The following COPS3 variants were observed in gnomAD, a reference collection of about 807,000 sequenced individuals.
COPS3 encodes COP9 signalosome subunit 3.
COPS3 carries 10 observed loss-of-function variants against 58.2 expected under a neutral mutation model. That is an observed-to-expected ratio of 0.17 (90% CI 0.11 to 0.29). COPS3 has a LOEUF of 0.29. COPS3 is among the 10% of genes least tolerant of loss of function. The pLI is 1.00. For missense variants in COPS3, 333 were observed against 510.1 expected (o/e 0.65, Z 3.34); for synonymous variants, 187 against 181.7 (o/e 1.03, Z -0.24).
At position 17,270,952 on chromosome 17, in the gene COPS3, A is replaced by C; in HGVS notation, c.242T>G (p.Val81Gly). The change falls in exon 3 of 12, where the codon GTT becomes GGT. Residue 81 changes from valine to glycine, a missense_variant. Transcript: ENST00000268717. ...VPDFETLFSQ[V>G]QLFISTCNGE... ...ATTACAAGTGCTGATGAAGAGCTGA[A>C]CCTGTGAGAATAGCGTTTCGAAGTC... 6.2e-7 allele frequency: 1 copy of C among 1,614,078 alleles called. No homozygotes were observed. Among genetic ancestry groups the C allele is most frequent in the Non-Finnish European group, 8.5e-7 (1 of 1,180,024 alleles).
At chr17:17,281,077 T>A in intron 1 of COPS3, 55 bp downstream of exon 1, 1 of 1,561,272 alleles carries the variant, frequency 6.4e-7, no homozygotes, top group East Asian at 2.3e-5. Flanking sequence ...CGCCTGGGGA[T>A]CCAGGCCAGT....
intron 5 of COPS3, 149 bp downstream of exon 5, chr17:17,267,736 G>A (rs1450542242): frequency 3.3e-6 from 2 of 601,028 alleles, no homozygotes; most frequent in Non-Finnish European, 5.3e-6. Flanking sequence ...GCACCCGCCT[G>A]AATGTAATAG....
Position 17,247,678 on chromosome 17 carries a change from TG to T in COPS3, c.1138-119del, listed in dbSNP as rs1339673822. The T allele has an allele frequency of 5.5e-6, 5 of 904,416 alleles. No individual in the cohort carries two copies. In the African/African-American group the frequency reaches 6.6e-5, roughly 12 times the overall value. The allele number at this position is 904,416 out of a possible 1,614,324, so 56.0% of individuals were successfully genotyped here. ...TCACAATCTCTTGATGTGAAACCCC[TG>T]GGGCCACATGGGTTTTGGAGCCAGA... is the stretch of plus-strand genomic sequence containing the variant. On this transcript the variant is annotated intron_variant, in intron 10 of 11. Transcript: ENST00000268717.
At chr17:17,257,674 G>A (rs900343040) in intron 8 of COPS3, among the ~76,000 whole-genome samples, 3 of 151,524 alleles carry the variant, frequency 2.0e-5, no homozygotes, top group African/African-American at 7.3e-5. Context: ...GCGGGCACCT[G>A]TAGTCCCAGC....
chr17:17,271,835 T>C (rs1313180054), intron 2 of COPS3, among the ~76,000 whole-genome samples: 2 of 79,534 alleles, frequency 2.5e-5, no homozygotes, highest in African/African-American at 8.5e-5. Context: ...AAAATCTATA[T>C]ATATCTATAT....
chr17:17,253,183 G>A (rs751087991), intron 9 of COPS3, among the ~76,000 whole-genome samples: 17 of 152,108 alleles, frequency 1.1e-4, no homozygotes, highest in East Asian at 3.9e-4. Flanking sequence ...CCATGATTAC[G>A]CCACTGCACT....
Position 17,262,724 on chromosome 17 carries a change from C to T in COPS3, c.622-618G>A, listed in dbSNP as rs975244914. Among the ~76,000 whole-genome samples the T allele has an allele frequency of 4.2e-4, 63 of 150,850 alleles. 1 individual carries two copies. Among genetic ancestry groups the T allele is most frequent in the African/African-American group, 1.1e-3 (45 of 40,938 alleles). On this transcript the variant is annotated intron_variant, in intron 6 of 11. Coordinates refer to ENST00000268717, the MANE Select transcript of COPS3 (RefSeq NM_003653.4). ...CAGCCTGGGCGACAAAGCGAGACTC[C>T]GTCTCAAAAAAAAAAATATTTTTTG...
At chr17:17,249,828 A>G (rs2047802341) in intron 9 of COPS3, among the ~76,000 whole-genome samples, 1 of 152,112 alleles carries the variant, frequency 6.6e-6, no homozygotes. Flanking sequence ...GGGTTTCACC[A>G]TGTTGGCCAG....
intron 7 of COPS3, chr17:17,261,671 C>A: frequency 2.3e-6 from 1 of 434,920 alleles, no homozygotes; most frequent in Admixed American, 3.2e-5. Context: ...ACCAACCTGG[C>A]CAACATAGCG....
chr17:17,260,547 T>C, intron 7 of COPS3, 73 bp from the exon 8 acceptor site: 2 of 1,434,324 alleles, frequency 1.4e-6, no homozygotes, highest in South Asian at 2.4e-5. Flanking sequence ...CTCACGCCTG[T>C]AATCTCAACA....
chr17:17,266,451 C>T (rs913977220), intron 5 of COPS3, among the ~76,000 whole-genome samples: 39 of 152,158 alleles, frequency 2.6e-4, no homozygotes, highest in African/African-American at 9.4e-4. Flanking sequence ...GGGAAGGAGA[C>T]TTCATTATAT....
At chr17:17,266,798 C>T (rs984930629) in intron 5 of COPS3, among the ~76,000 whole-genome samples, 7 of 146,280 alleles carry the variant, frequency 4.8e-5, no homozygotes, top group South Asian at 4.3e-4. Context: ...GACTCCATCT[C>T]AAAAAATAAA....
chr17:17,280,988 A>T, intron 1 of COPS3, 144 bp downstream of exon 1: 1 of 1,024,108 alleles, frequency 9.8e-7, no homozygotes. Flanking sequence ...TCCTGCCCTG[A>T]TCTAAACGCC....
In COPS3 at chr17:17,264,901, T is replaced by C. The variant is rs2048187216; in HGVS notation, c.522A>G (p.Gly174=). ...ATAAAAAGTGTTTTGCATCATAGGC[T>C]CCATTCTCTTTACAGATATCCATCA... ...VDMMDICKEN[G]AYDAKHFLCY... The change falls in exon 6 of 12, where the codon GGA becomes GGG. Residue 174 remains glycine (G), a synonymous_variant. Transcript: ENST00000268717. 2 of 1,613,786 alleles carry C rather than the reference T, an allele frequency of 1.2e-6. No individual in the cohort carries two copies. The highest frequency in any genetic ancestry group is 1.7e-6 in the Non-Finnish European group (2 of 1,179,850).
chr17:17,252,204 T>G (rs1167598986), intron 9 of COPS3, among the ~76,000 whole-genome samples: 2 of 152,178 alleles, frequency 1.3e-5, no homozygotes, highest in East Asian at 3.8e-4. Flanking sequence ...AAAATGTGTT[T>G]AGCCGTACAC....
chr17:17,249,305 A>AT (rs1188913313), intron 9 of COPS3, among the ~76,000 whole-genome samples: 1 of 152,122 alleles, frequency 6.6e-6, no homozygotes, highest in East Asian at 1.9e-4. Flanking sequence ...TCCACACAAC[A>AT]TAATTAACCA....
chr17:17,272,036 C>T (rs2048365075), intron 2 of COPS3, among the ~76,000 whole-genome samples: 1 of 151,660 alleles, frequency 6.6e-6, no homozygotes. Context: ...AATCCCAGCA[C>T]TACGGAAGGC....
chr17:17,268,736 T>A (rs1215363578), intron 4 of COPS3, among the ~76,000 whole-genome samples: 1 of 151,724 alleles, frequency 6.6e-6, no homozygotes. Flanking sequence ...GGAGAATCGC[T>A]TGAACCCGGG....
chr17:17,249,094 T>C, intron 9 of COPS3, 55 bp from the exon 10 acceptor site: 2 of 906,108 alleles, frequency 2.2e-6, no homozygotes, highest in South Asian at 2.9e-5. Flanking sequence ...GAATGCTATA[T>C]GAATAGTCAT....
Sources: allele counts gnomAD v4.1 joint callset (sites outside exome capture counted in the v4.1 genomes callset), GRCh38; gene constraint gnomAD v4.1.1; transcripts MANE v1.5; gene names NCBI Gene and HGNC (gene_info 2026-07-23, HGNC 2026-07-21).